BRAF: variants seen among roughly 807,000 people sequenced by gnomAD.
The protein encoded by BRAF is B-Raf proto-oncogene, serine/threonine kinase, also known as serine/threonine-protein kinase B-raf.
A neutral mutation model predicts 104.6 loss-of-function variants in BRAF; 16 were observed. That is an observed-to-expected ratio of 0.15 (90% CI 0.10 to 0.23). BRAF has a LOEUF of 0.23. Ranked by LOEUF, BRAF falls within the 10% of genes least tolerant of loss-of-function variation. BRAF has a pLI of 1.00. For missense variants in BRAF, 541 were observed against 937.3 expected (o/e 0.58, Z 5.52); for synonymous variants, 310 against 341.6 (o/e 0.91, Z 1.02).
intron 17 of BRAF, among the ~76,000 whole-genome samples, chr7:140,746,837 A>G (rs78277629): frequency 1.5e-3 from 222 of 151,868 alleles, no homozygotes; most frequent in Middle Eastern, 6.8e-3. Context: ...CTTGGAAAAA[A>G]AAAAAAAGAA....
chr7:140,902,328 T>C (rs554954981), intron 1 of BRAF, among the ~76,000 whole-genome samples: 1 of 152,344 alleles, frequency 6.6e-6, no homozygotes, highest in South Asian at 2.1e-4. Context: ...ACTTCTTCAG[T>C]AAATGTTGTG....
intron 14 of BRAF, chr7:140,758,065 AGTATTTTAAACTCTTG>A (rs1432679494): frequency 6.6e-6 from 1 of 152,228 alleles, no homozygotes; most frequent in African/African-American, 2.4e-5. Context: ...GCCATTTTCA[AGTATTTTAAACTCTTG>A]GTAAAACACA....
chr7:140,787,478 TA>T, intron 9 of BRAF, 69 bp downstream of exon 9: 1 of 1,473,930 alleles, frequency 6.8e-7, no homozygotes, highest in Non-Finnish European at 9.5e-7. Context: ...GAGGCAAGTA[TA>T]AAGGAAATAA....
intron 19 of BRAF, among the ~76,000 whole-genome samples, chr7:140,728,514 T>C (rs1198942170): frequency 2.6e-5 from 4 of 151,474 alleles, no homozygotes; most frequent in Non-Finnish European, 5.9e-5. Flanking sequence ...GCCTCATATT[T>C]AAAGTTAAGA....
Position 140,870,747 on chromosome 7 carries a change from T to C in BRAF, c.139-20535A>G, listed in dbSNP as rs537586585. 2.0e-5 allele frequency among the ~76,000 whole-genome samples: 3 copies of C among 152,224 alleles called. No individual in the cohort carries two copies. The South Asian group carries it at 6.2e-4, about 32-fold the overall frequency. On this transcript the variant is annotated intron_variant, in intron 1 of 19. Coordinates refer to ENST00000644969, the MANE Select transcript of BRAF (RefSeq NM_001374258.1). The stretch of plus-strand genomic sequence containing the variant: ...CACGAAGAGCACTTCTAAACTTCAT[T>C]GTGAACCTACATGACTATCACTCCC...
Position 140,722,529 on chromosome 7 carries a change from A to G in BRAF, c.*3965T>C, listed in dbSNP as rs1212912158. 1 of 1,057,188 alleles carries G rather than the reference A, an allele frequency of 9.5e-7. No homozygotes were observed. The highest frequency in any genetic ancestry group is 1.1e-6 in the Non-Finnish European group (1 of 874,338). The allele number at this position is 1,057,188 out of a possible 1,614,324, so 65.5% of individuals were successfully genotyped here. ...TGTAAGCTATTTGCTGTTCATACTC[A>G]CAGTAAACCTTCCATCTCTGGCTAT... is the stretch of plus-strand genomic sequence containing the variant. On this transcript the variant is annotated 3_prime_UTR_variant, in exon 20 of 20. Transcript: ENST00000644969.
At chr7:140,734,335 G>A (rs1796204531) in intron 19 of BRAF, 11 of 1,308,314 alleles carry the variant, frequency 8.4e-6, no homozygotes, top group Non-Finnish European at 9.8e-6. Context: ...TACAAACCCG[G>A]AACAGAAAGT....
chr7:140,879,181 A>ATTTAT (rs1238945951), intron 1 of BRAF, among the ~76,000 whole-genome samples: 1 of 151,704 alleles, frequency 6.6e-6, no homozygotes, highest in Non-Finnish European at 1.5e-5. Flanking sequence ...CCTGGCCATA[A>ATTTAT]TTTATTTTAT....
chr7:140,786,943 T>C (rs1270193), intron 9 of BRAF, among the ~76,000 whole-genome samples: 14,852 of 152,196 alleles, frequency 0.098, 787 homozygotes, highest in South Asian at 0.19. Context: ...GGCCATACCA[T>C]CCTGAACGTG....
intron 2 of BRAF, among the ~76,000 whole-genome samples, chr7:140,848,850 A>G (rs554858716): frequency 1.3e-5 from 2 of 152,364 alleles, no homozygotes; most frequent in South Asian, 2.1e-4. Flanking sequence ...CACATGAAGA[A>G]GAGGAGAAAG....
intron 1 of BRAF, among the ~76,000 whole-genome samples, chr7:140,906,899 T>A (rs1161113746): frequency 1.3e-5 from 2 of 152,210 alleles, no homozygotes; most frequent in Non-Finnish European, 2.9e-5. Flanking sequence ...TGGGTGTAGA[T>A]TTCTATTTAT....
intron 1 of BRAF, among the ~76,000 whole-genome samples, chr7:140,874,165 AATC>A (rs1240891249): frequency 6.6e-6 from 1 of 152,044 alleles, no homozygotes; most frequent in Non-Finnish European, 1.5e-5. Flanking sequence ...CAAGGATCTG[AATC>A]ATCATGAAAC....
At position 140,924,523 on chromosome 7, in the gene BRAF, G is replaced by T; in HGVS notation, c.138+43C>A. The stretch of plus-strand genomic sequence containing the variant: ...CCAAAATAAACACCAGCCAGCCGCC[G>T]AGCCCGGAGTCGGGAGGGCGGCAGG... On this transcript the variant is annotated intron_variant, in intron 1 of 19. Coordinates refer to ENST00000644969, the MANE Select transcript of BRAF (RefSeq NM_001374258.1). This position sits in a 1 kb window ranked among gnomAD's most constrained non-coding sequence, Gnocchi z 4.2. 3.3e-6 allele frequency: 5 copies of T among 1,533,098 alleles called. No individual in the cohort carries two copies. Among genetic ancestry groups the T allele is most frequent in the Non-Finnish European group, 4.4e-6 (5 of 1,145,638 alleles). 95.0% of individuals were successfully genotyped at this position (1,533,098 alleles called of 1,614,324 possible).
Position 140,772,718 on chromosome 7 carries a change from A to G in BRAF, c.1814+4194T>C, listed in dbSNP as rs561529348. ...TATCCACTTCAAGACTCACTGATGC[A>G]ATCTGGTTATGTGTTCCAATTAATT... is the stretch of plus-strand genomic sequence containing the variant. On this transcript the variant is annotated intron_variant, in intron 14 of 19. Transcript: ENST00000644969. 1.3e-4 allele frequency among the ~76,000 whole-genome samples: 20 copies of G among 152,330 alleles called. No homozygotes were observed. In the South Asian group the frequency reaches 4.1e-3, roughly 32 times the overall value.
chr7:140,898,554 T>G (rs1234611552), intron 1 of BRAF, among the ~76,000 whole-genome samples: 1 of 152,180 alleles, frequency 6.6e-6, no homozygotes, highest in East Asian at 1.9e-4. Context: ...TGAGATAAAT[T>G]TTCCCTTTAT....
chr7:140,720,972 G>A lies in BRAF; in HGVS notation c.*5522C>T, dbSNP rs933300119. 9.4e-7 allele frequency: 1 copy of A among 1,064,640 alleles called. No individual in the cohort carries two copies. Among genetic ancestry groups the A allele is most frequent in the South Asian group, 4.6e-5 (1 of 21,968 alleles). 65.9% of individuals were successfully genotyped at this position (1,064,640 alleles called of 1,614,324 possible). A position where few individuals can be genotyped will look rare whatever the true frequency, so the allele number is the denominator to read the frequency against. On this transcript the variant is annotated 3_prime_UTR_variant, in exon 20 of 20. Coordinates refer to ENST00000644969, the MANE Select transcript of BRAF (RefSeq NM_001374258.1). Reference sequence around the variant, plus strand: ...GGTCACGGTGCTGGAGAATGAACTCGGCTGGCCGGGAGAAGCAGATGGTTT... The same window carrying A: ...GGTCACGGTGCTGGAGAATGAACTCAGCTGGCCGGGAGAAGCAGATGGTTT...
At chr7:140,899,818 C>G (rs1309798968) in intron 1 of BRAF, among the ~76,000 whole-genome samples, 1 of 152,122 alleles carries the variant, frequency 6.6e-6, no homozygotes, top group Non-Finnish European at 1.5e-5. Flanking sequence ...CCTGGTGGTG[C>G]CTTGTACAAA....
At chr7:140,894,025 T>C (rs945521017) in intron 1 of BRAF, among the ~76,000 whole-genome samples, 1 of 151,956 alleles carries the variant, frequency 6.6e-6, no homozygotes, top group African/African-American at 2.4e-5. Context: ...TCCCAGCTAA[T>C]TGAGAGGCCG....
Position 140,924,605 on chromosome 7 carries a change from G to T in BRAF, c.99C>A (p.Ala33=). 6.5e-7 allele frequency: 1 copy of T among 1,527,158 alleles called. No homozygotes were observed. The highest frequency in any genetic ancestry group is 1.2e-5 in the South Asian group (1 of 83,748). 94.6% of individuals were successfully genotyped at this position (1,527,158 alleles called of 1,614,324 possible). A position where few individuals can be genotyped will look rare whatever the true frequency, so the allele number is the denominator to read the frequency against. Residue 33 remains alanine (A), a synonymous_variant, in exon 1 of 20, where the codon GCC becomes GCA. Transcript: ENST00000644969. This position sits in a 1 kb window ranked among gnomAD's most constrained non-coding sequence, Gnocchi z 4.2. The part of the protein sequence containing the change: ...MEPEAGAGAG[A]AASSAADPAI... ...CAGGGTCCGCAGCCGAAGAGGCCGC[G>T]GCGCCGGCGCCGGCGCCGGCCTCGG... is the stretch of plus-strand genomic sequence containing the variant.
Sources: gnomAD v4.1 joint callset for allele counts (sites outside exome capture counted in the v4.1 genomes callset) on GRCh38, gnomAD v4.1.1 for gene constraint, Gnocchi (gnomAD v3.1) non-coding constraint, MANE v1.5 for transcripts, NCBI Gene and HGNC (gene_info 2026-07-23, HGNC 2026-07-21) for gene names.